NALF1: variants seen among roughly 807,000 people sequenced by gnomAD.
The protein encoded by NALF1 is family with sequence similarity 155 member A.
NALF1 carries 3 observed loss-of-function variants against 48.4 expected under a neutral mutation model. That is an observed-to-expected ratio of 0.06 (90% CI 0.03 to 0.16). NALF1 has a LOEUF of 0.16. Among genes scored for constraint, NALF1 ranks in the 10% least tolerant of loss-of-function variants. The pLI is 1.00. For missense variants in NALF1, 526 were observed against 571.5 expected, an observed-to-expected ratio of 0.92 and a Z score of 0.81; for synonymous variants, 262 against 245.7, an observed-to-expected ratio of 1.07 and a Z score of -0.62.
At chr13:107,831,639 T>C (rs1879733675) in intron 1 of NALF1, among the ~76,000 whole-genome samples, 1 of 152,172 alleles carries the variant, frequency 6.6e-6, no homozygotes, top group African/African-American at 2.4e-5. Flanking sequence ...TCAACGGCAC[T>C]TCTGAGAAAG....
chr13:107,477,570 A>T (rs1885192268), intron 1 of NALF1, among the ~76,000 whole-genome samples: 1 of 151,914 alleles, frequency 6.6e-6, no homozygotes, highest in Non-Finnish European at 1.5e-5. Context: ...GATCTTCCTT[A>T]CTGGAAGCAA....
intron 1 of NALF1, among the ~76,000 whole-genome samples, chr13:107,655,296 A>G (rs2138471303): frequency 6.6e-6 from 1 of 152,084 alleles, no homozygotes; most frequent in African/African-American, 2.4e-5. Context: ...ATGAATTCAG[A>G]TTCAGCAAAG....
rs141884857 is a variant in NALF1 at position 107,385,718 on chromosome 13, A to G, written c.916-174963T>C. ...GAAGAACAAGATTCTGTTTTGTTCA[A>G]TAGTTTGCAATCTGTATATGCCAAT... On this transcript the variant is annotated intron_variant, in intron 1 of 2. Transcript: ENST00000375915. Among the ~76,000 whole-genome samples, 384 of 152,324 alleles carry G rather than the reference A, an allele frequency of 2.5e-3. 2 individuals carry two copies. Among genetic ancestry groups the G allele is most frequent in the African/African-American group, 8.6e-3 (359 of 41,584 alleles).
intron 1 of NALF1, among the ~76,000 whole-genome samples, chr13:107,498,961 T>C (rs1875427626): frequency 6.6e-6 from 1 of 152,120 alleles, no homozygotes; most frequent in Non-Finnish European, 1.5e-5. Context: ...TAAATGTCAT[T>C]AGGGCTTCAT....
At chr13:107,716,887 G>A (rs372207299) in intron 1 of NALF1, among the ~76,000 whole-genome samples, 34 of 152,186 alleles carry the variant, frequency 2.2e-4, no homozygotes, top group African/African-American at 7.7e-4. Flanking sequence ...TTTTGATGGC[G>A]GGGTTTCCGT....
intron 1 of NALF1, among the ~76,000 whole-genome samples, chr13:107,632,584 T>C (rs7996891): frequency 1.1e-3 from 173 of 152,224 alleles, no homozygotes; most frequent in African/African-American, 3.9e-3. Flanking sequence ...ATGGCCTCCG[T>C]ATCCTGTCTC....
chr13:107,833,316 T>C (rs1407458415), intron 1 of NALF1, among the ~76,000 whole-genome samples: 3 of 152,184 alleles, frequency 2.0e-5, no homozygotes, highest in African/African-American at 7.2e-5. Flanking sequence ...TGAATACACA[T>C]ATGAATACTA....
At chr13:107,793,857 T>A (rs1045608894) in intron 1 of NALF1, among the ~76,000 whole-genome samples, 4 of 152,018 alleles carry the variant, frequency 2.6e-5, no homozygotes, top group Middle Eastern at 3.4e-3. Flanking sequence ...TTTTTTTTTT[T>A]ATTTTAGTCT....
At chr13:107,520,410 C>T (rs570500) in intron 1 of NALF1, among the ~76,000 whole-genome samples, 13,792 of 152,070 alleles carry the variant, frequency 0.091, 1,423 homozygotes, top group African/African-American at 0.25. Flanking sequence ...TGAAGAGCCA[C>T]GATTATTACA....
chr13:107,285,875 A>C (rs1183789716), intron 1 of NALF1, among the ~76,000 whole-genome samples: 1 of 152,134 alleles, frequency 6.6e-6, no homozygotes, highest in Non-Finnish European at 1.5e-5. Context: ...TAGAAAAAAA[A>C]GTAAAGATAA....
At chr13:107,343,550 T>C (rs1882720871) in intron 1 of NALF1, among the ~76,000 whole-genome samples, 1 of 152,212 alleles carries the variant, frequency 6.6e-6, no homozygotes, top group Non-Finnish European at 1.5e-5. Flanking sequence ...TCTGCCATGA[T>C]TGTGAGGCTT....
chr13:107,638,201 A>ATATGTATG lies in NALF1; in HGVS notation c.915+227480_915+227481insCATACATA, dbSNP rs1555314239. Reference sequence around the variant, plus strand: ...TATATAAAGATTTATATATATATATATATATAATTTAAGATGAACATTGGG... The same window carrying ATATGTATG: ...TATATAAAGATTTATATATATATATATATGTATGTATATAATTTAAGATGAACATTGGG... On this transcript the variant is annotated intron_variant, in intron 1 of 2. Coordinates refer to ENST00000375915, the MANE Select transcript of NALF1 (RefSeq NM_001080396.3). Among the ~76,000 whole-genome samples the ATATGTATG allele has an allele frequency of 8.0e-4, 89 of 110,854 alleles. 10 individuals carry two copies. The highest frequency in any genetic ancestry group is 1.9e-3 in the African/African-American group (67 of 35,316). The allele number at this position is 110,854 out of a possible 152,430, so 72.7% of individuals were successfully genotyped here.
chr13:107,661,734 C>A (rs1447316783), intron 1 of NALF1, among the ~76,000 whole-genome samples: 1 of 152,068 alleles, frequency 6.6e-6, no homozygotes, highest in Non-Finnish European at 1.5e-5. Flanking sequence ...GTTCTCCAGC[C>A]CAATTCACAT....
intron 1 of NALF1, among the ~76,000 whole-genome samples, chr13:107,524,722 C>G (rs75415994): frequency 6.6e-6 from 1 of 152,022 alleles, no homozygotes; most frequent in Non-Finnish European, 1.5e-5. Flanking sequence ...TTAGGGAAAA[C>G]GAATAAGATG....
intron 1 of NALF1, among the ~76,000 whole-genome samples, chr13:107,521,464 T>C (rs1876234960): frequency 1.3e-5 from 2 of 152,220 alleles, no homozygotes; most frequent in Admixed American, 1.3e-4. Flanking sequence ...CAAGTCCTGA[T>C]AAAATGTTTT....
At chr13:107,529,521 AC>A (rs1306769243) in intron 1 of NALF1, among the ~76,000 whole-genome samples, 3 of 152,126 alleles carry the variant, frequency 2.0e-5, no homozygotes, top group Non-Finnish European at 2.9e-5. Flanking sequence ...TTTTCATACA[AC>A]CCTCAATATT....
chr13:107,397,189 T>C (rs1012845497), intron 1 of NALF1, among the ~76,000 whole-genome samples: 1 of 152,156 alleles, frequency 6.6e-6, no homozygotes, highest in African/African-American at 2.4e-5. Context: ...CCAGAGTCCA[T>C]GCATAAGAGC....
At chr13:107,751,457 C>T (rs1876935700) in intron 1 of NALF1, among the ~76,000 whole-genome samples, 1 of 152,156 alleles carries the variant, frequency 6.6e-6, no homozygotes, top group African/African-American at 2.4e-5. Context: ...AACTAACTGG[C>T]TTGACTATTT....
chr13:107,502,418 G>A (rs536179240), intron 1 of NALF1, among the ~76,000 whole-genome samples: 2 of 152,188 alleles, frequency 1.3e-5, no homozygotes, highest in South Asian at 2.1e-4. Flanking sequence ...GCTTAATTGT[G>A]ATTAATTTAG....
Sources: gnomAD v4.1 joint callset for allele counts (sites outside exome capture counted in the v4.1 genomes callset) on GRCh38, gnomAD v4.1.1 for gene constraint, MANE v1.5 for transcripts, NCBI Gene and HGNC (gene_info 2026-07-23, HGNC 2026-07-21) for gene names.